The following LMO3 variants were observed in gnomAD, a reference collection of about 807,000 sequenced individuals.
LMO3 encodes LIM domain only protein 3.
In LMO3, 2 loss-of-function variants were observed where a neutral mutation model predicts 15.8. The observed-to-expected ratio is 0.13, with a 90% CI of 0.05 to 0.40. The LOEUF is 0.40. Ranked by LOEUF, LMO3 falls within the 10% of genes least tolerant of loss-of-function variation. The pLI is 0.99. For synonymous variants in LMO3, 62 were observed against 63.8 expected, an observed-to-expected ratio of 0.97 and a Z score of 0.13; for missense variants, 86 against 182.2, an observed-to-expected ratio of 0.47 and a Z score of 3.04.
rs1302755750 is a variant in LMO3 at position 16,591,920 on chromosome 12, C to G, written c.206+8735G>C. On this transcript the variant is annotated intron_variant, in intron 2 of 3. Coordinates refer to ENST00000537304, the MANE Select transcript of LMO3 (RefSeq NM_018640.5). This position sits in a 1 kb window ranked among gnomAD's most constrained non-coding sequence, Gnocchi z 4.1. ...TCCTGATCATACCTCTTGTCATTCT[C>G]TATATTGGTTCCATGGGACTTAATT... is the stretch of plus-strand genomic sequence containing the variant. Among the ~76,000 whole-genome samples, 1 of 151,996 alleles carries G rather than the reference C, an allele frequency of 6.6e-6. No homozygotes were observed. Among genetic ancestry groups the G allele is most frequent in the East Asian group, 1.9e-4 (1 of 5,172 alleles).
At chr12:16,567,230 A>G (rs1306099388) in intron 2 of LMO3, among the ~76,000 whole-genome samples, 1 of 151,950 alleles carries the variant, frequency 6.6e-6, no homozygotes, top group Non-Finnish European at 1.5e-5. Context: ...ACAAACAAAA[A>G]ACTACAACTT....
In LMO3 at chr12:16,596,468, G is replaced by A. The variant is rs1425284942; in HGVS notation, c.206+4187C>T. Among the ~76,000 whole-genome samples, 1 of 151,506 alleles carries A rather than the reference G, an allele frequency of 6.6e-6. No individual in the cohort carries two copies. The highest frequency in any genetic ancestry group is 1.5e-5 in the Non-Finnish European group (1 of 67,604). On this transcript the variant is annotated intron_variant, in intron 2 of 3. Coordinates refer to ENST00000537304, the MANE Select transcript of LMO3 (RefSeq NM_018640.5). The surrounding 1 kb of genome is among the most constrained non-coding windows in gnomAD (Gnocchi z 4.3). ...CAAGATATCATTCATAGAGATACAAGATACATACAGCCTATATAGACTTAA... is the reference window on the plus strand; with the variant it reads ...CAAGATATCATTCATAGAGATACAAAATACATACAGCCTATATAGACTTAA...
rs1943420929 is a variant in LMO3 at position 16,589,386 on chromosome 12, T to A, written c.206+11269A>T. ...TGTACATATTACTATGAGTGCAGTA[T>A]AAGCTTGTGGCTTTACTTTTACTTG... On this transcript the variant is annotated intron_variant, in intron 2 of 3. Transcript: ENST00000537304. This position sits in a 1 kb window ranked among gnomAD's most constrained non-coding sequence, Gnocchi z 4.2. 1.3e-5 allele frequency: 2 copies of A among 152,258 alleles called. No homozygotes were observed. The highest frequency in any genetic ancestry group is 4.1e-4 in the South Asian group (2 of 4,828). The allele number at this position is 152,258 out of a possible 1,614,324, so 9.4% of individuals were successfully genotyped here.
At chr12:16,579,309 A>G (rs1376074260) in intron 2 of LMO3, among the ~76,000 whole-genome samples, 1 of 152,256 alleles carries the variant, frequency 6.6e-6, no homozygotes, top group Non-Finnish European at 1.5e-5. Flanking sequence ...TTATTACCAG[A>G]AAAACAATAG....
At chr12:16,580,532 C>T (rs1943127422) in intron 2 of LMO3, among the ~76,000 whole-genome samples, 1 of 152,120 alleles carries the variant, frequency 6.6e-6, no homozygotes, top group African/African-American at 2.4e-5. Flanking sequence ...CTTTGGAGGA[C>T]TTTTCTGGGG....
chr12:16,579,852 C>A (rs1417917974), intron 2 of LMO3, among the ~76,000 whole-genome samples: 1 of 152,130 alleles, frequency 6.6e-6, no homozygotes, highest in Non-Finnish European at 1.5e-5. Flanking sequence ...AATTTTTCAA[C>A]CTGTACTGAT....
At position 16,604,583 on chromosome 12, in the gene LMO3, C is replaced by A; in HGVS notation, c.-9+1483G>T. On this transcript the variant is annotated intron_variant, in intron 1 of 3. Coordinates refer to ENST00000537304, the MANE Select transcript of LMO3 (RefSeq NM_018640.5). The surrounding 1 kb of genome is among the most constrained non-coding windows in gnomAD (Gnocchi z 5.3). ...CAAAATAAAAAAAAAAAATAAGAAA[C>A]ATACATACACTCTAACAAAGAATCC... 1.2e-5 allele frequency: 5 copies of A among 408,836 alleles called. No homozygotes were observed. The highest frequency in any genetic ancestry group is 2.2e-5 in the Non-Finnish European group (5 of 230,322). The allele number at this position is 408,836 out of a possible 1,614,324, so 25.3% of individuals were successfully genotyped here.
At position 16,605,436 on chromosome 12, in the gene LMO3, G is replaced by GGCCCCC. The variant is rs1943957949; in HGVS notation, c.-9+629_-9+630insGGGGGC. 6.6e-4 allele frequency: 247 copies of GGCCCCC among 372,664 alleles called. 3 individuals carry two copies. Among genetic ancestry groups the GGCCCCC allele is most frequent in the South Asian group, 3.6e-3 (29 of 8,112 alleles). 23.1% of individuals were successfully genotyped at this position (372,664 alleles called of 1,614,324 possible). A position where few individuals can be genotyped will look rare whatever the true frequency, so the allele number is the denominator to read the frequency against. ...TAGCCACTTCTGCCCCTACCCGCCTGCCCCCCCCCCCCGCCCCCATGCCCA... is the reference window on the plus strand; with the variant it reads ...TAGCCACTTCTGCCCCTACCCGCCTGGCCCCCCCCCCCCCCCCCGCCCCCATGCCCA... On this transcript the variant is annotated intron_variant, in intron 1 of 3. Coordinates refer to ENST00000537304, the MANE Select transcript of LMO3 (RefSeq NM_018640.5).
At chr12:16,557,717 T>C (rs1348554105) in intron 3 of LMO3, among the ~76,000 whole-genome samples, 1 of 152,198 alleles carries the variant, frequency 6.6e-6, no homozygotes, top group East Asian at 1.9e-4. Context: ...GTTCCTGACA[T>C]TTAACATAAA....
At position 16,603,838 on chromosome 12, in the gene LMO3, T is replaced by A. The variant is rs1038489339; in HGVS notation, c.-9+2228A>T. Among the ~76,000 whole-genome samples, 2 of 151,918 alleles carry A rather than the reference T, an allele frequency of 1.3e-5. No individual in the cohort carries two copies. The highest frequency in any genetic ancestry group is 2.9e-5 in the Non-Finnish European group (2 of 67,968). ...CACAACTCCACAACACACAGGGGTT[T>A]AAAAAAAATAATAATAATGAAAGAT... On this transcript the variant is annotated intron_variant, in intron 1 of 3. Coordinates refer to ENST00000537304, the MANE Select transcript of LMO3 (RefSeq NM_018640.5). This position sits in a 1 kb window ranked among gnomAD's most constrained non-coding sequence, Gnocchi z 4.9.
chr12:16,604,768 A>G lies in LMO3; in HGVS notation c.-9+1298T>C. ...ACAACAATAATATTTCGGTTCTTTC[A>G]GAAAGACACAAAAGCAGCGGAAAAG... On this transcript the variant is annotated intron_variant, in intron 1 of 3. Transcript: ENST00000537304. The surrounding 1 kb of genome is among the most constrained non-coding windows in gnomAD (Gnocchi z 5.3). 1.5e-6 allele frequency: 2 copies of G among 1,351,732 alleles called. No homozygotes were observed. Among genetic ancestry groups the G allele is most frequent in the Non-Finnish European group, 2.1e-6 (2 of 960,550 alleles). The allele number at this position is 1,351,732 out of a possible 1,614,324, so 83.7% of individuals were successfully genotyped here. A position where few individuals can be genotyped will look rare whatever the true frequency, so the allele number is the denominator to read the frequency against.
rs77261776 is a variant in LMO3 at position 16,585,880 on chromosome 12, A to G, written c.206+14775T>C. Among the ~76,000 whole-genome samples the G allele has an allele frequency of 6.7e-4, 102 of 152,318 alleles. 1 individual carries two copies. Among genetic ancestry groups the G allele is most frequent in the African/African-American group, 2.4e-3 (99 of 41,578 alleles). On this transcript the variant is annotated intron_variant, in intron 2 of 3. Transcript: ENST00000537304. The surrounding 1 kb of genome is among the most constrained non-coding windows in gnomAD (Gnocchi z 4.7). ...ATGTATATGATTCACAGGCCCAAGT[A>G]AAACATCATTTAGTCATTTATAGTC...
rs956993889 is a variant in LMO3, at chr12:16,585,143, C to T, written c.206+15512G>A. On this transcript the variant is annotated intron_variant, in intron 2 of 3. Coordinates refer to ENST00000537304, the MANE Select transcript of LMO3 (RefSeq NM_018640.5). This position sits in a 1 kb window ranked among gnomAD's most constrained non-coding sequence, Gnocchi z 4.7. ...AGTCATGGCTTCCCCCTTTGGGTGG[C>T]GCATGCAAGCCCCAGTTCACAACGT... Among the ~76,000 whole-genome samples the T allele has an allele frequency of 5.3e-5, 8 of 152,162 alleles. No homozygotes were observed. The highest frequency in any genetic ancestry group is 1.2e-4 in the African/African-American group (5 of 41,452).
intron 1 of LMO3, chr12:16,602,235 T>A (rs774338182): frequency 6.6e-6 from 1 of 152,222 alleles, no homozygotes; most frequent in Non-Finnish European, 1.5e-5. Flanking sequence ...TGCACTTTTG[T>A]ACATTTTCCT....
At chr12:16,600,024 G>C (rs961484167) in intron 2 of LMO3, 6 of 151,954 alleles carry the variant, frequency 3.9e-5, no homozygotes, top group Non-Finnish European at 8.8e-5. Flanking sequence ...TCTACACTTG[G>C]GGAAAGTTTT....
At chr12:16,566,560 A>G (rs1343195726) in intron 2 of LMO3, among the ~76,000 whole-genome samples, 1 of 152,118 alleles carries the variant, frequency 6.6e-6, no homozygotes, top group East Asian at 1.9e-4. Flanking sequence ...AAAAAAAGAA[A>G]TTTTCAAAAA....
intron 2 of LMO3, among the ~76,000 whole-genome samples, chr12:16,574,386 G>C (rs1027663440): frequency 6.6e-6 from 1 of 152,062 alleles, no homozygotes; most frequent in Non-Finnish European, 1.5e-5. Context: ...TTCTGCTTTT[G>C]AACTTTGAGT....
At chr12:16,606,536 C>A (rs2035876166), upstream of LMO3, 1 of 152,048 alleles carries the variant, frequency 6.6e-6, no homozygotes, top group Non-Finnish European at 1.5e-5. Flanking sequence ...CTCTCGCCCC[C>A]ACCCCTCCCC....
chr12:16,570,403 T>A (rs1942775305), intron 2 of LMO3, among the ~76,000 whole-genome samples: 1 of 151,474 alleles, frequency 6.6e-6, no homozygotes, highest in Admixed American at 6.6e-5. Flanking sequence ...TTTGAAAATA[T>A]TTTTTTTTAC....
Sources: allele counts gnomAD v4.1 joint callset (sites outside exome capture counted in the v4.1 genomes callset), GRCh38; gene constraint gnomAD v4.1.1; non-coding constraint Gnocchi (gnomAD v3.1); transcripts MANE v1.5; gene names NCBI Gene and HGNC (gene_info 2026-07-23, HGNC 2026-07-21).